PCDHGB1: variants seen among roughly 807,000 people sequenced by gnomAD.
The protein encoded by PCDHGB1 is protocadherin gamma-B1.
A neutral mutation model predicts 56.6 loss-of-function variants in PCDHGB1; 34 were observed. The ratio of observed to expected loss-of-function variants is 0.60; its 90% CI spans 0.46 to 0.80. The LOEUF (loss-of-function observed/expected upper bound fraction) is 0.80, where lower values mean the gene tolerates loss of function less well. PCDHGB1 is among the 30% of genes least tolerant of loss of function. The probability of loss-of-function intolerance (pLI) is 0.00; values close to 1 mark genes in which losing one functional copy is unlikely to be tolerated. For synonymous variants in PCDHGB1, 561 were observed against 505.9 expected, an observed-to-expected ratio of 1.11 and a Z score of -1.46; for missense variants, 1,278 against 1,204.6, an observed-to-expected ratio of 1.06 and a Z score of -0.90.
Position 141,351,441 on chromosome 5 carries a change from C to G in PCDHGB1, c.1181C>G (p.Ser394Trp), listed in dbSNP as rs768328873. ...EEVPFKLEST[S>W]KNYYKLVIAG... ...GTTCCTTTCAAATTAGAATCCACCTCGAAGAATTATTACAAGCTGGTGATT... is the reference window on the plus strand; with the variant it reads ...GTTCCTTTCAAATTAGAATCCACCTGGAAGAATTATTACAAGCTGGTGATT... Residue 394 changes from serine (S) to tryptophan (W), a missense_variant, in exon 1 of 4, where the codon TCG becomes TGG. Ser to Trp is a radical substitution (Grantham distance 177). Transcript: ENST00000523390. 11 of 1,612,464 alleles carry G rather than the reference C, an allele frequency of 6.8e-6. No individual in the cohort carries two copies. The highest frequency in any genetic ancestry group is 8.5e-6 in the Non-Finnish European group (10 of 1,179,110).
intron 1 of PCDHGB1, chr5:141,383,516 G>A (rs757438983): frequency 3.0e-5 from 49 of 1,612,406 alleles, no homozygotes; most frequent in Non-Finnish European, 3.6e-5. Flanking sequence ...GAGGAAGAGC[G>A]GGTTCACCAC....
chr5:141,395,084 C>A (rs757269551), intron 1 of PCDHGB1: 1 of 1,614,190 alleles, frequency 6.2e-7, no homozygotes, highest in South Asian at 1.1e-5. Flanking sequence ...CCCAGGAAGT[C>A]TCCCTCACCG....
At chr5:141,495,814 T>C (rs2099764028) in intron 2 of PCDHGB1, among the ~76,000 whole-genome samples, 1 of 152,134 alleles carries the variant, frequency 6.6e-6, no homozygotes, top group Non-Finnish European at 1.5e-5. Context: ...TCCTAGCGCC[T>C]TGTGTTCTTC....
At chr5:141,454,311 T>G (rs755771201) in intron 1 of PCDHGB1, among the ~76,000 whole-genome samples, 6 of 152,216 alleles carry the variant, frequency 3.9e-5, no homozygotes, top group Admixed American at 2.6e-4. Context: ...TTTCAAAGCA[T>G]TGAAACCTCC....
chr5:141,454,675 G>A (rs973403044), intron 1 of PCDHGB1, among the ~76,000 whole-genome samples: 8 of 151,764 alleles, frequency 5.3e-5, no homozygotes, highest in Non-Finnish European at 1.0e-4. Context: ...CAAAACACTG[G>A]GATTACAGGC....
Position 141,448,073 on chromosome 5 carries a change from C to T in PCDHGB1, c.2410-46734C>T, listed in dbSNP as rs1025112556. ...TGCTCTCCAGCCTGGGCAACATGAA[C>T]GAAATGCCATCTTAAAAAAAAAAAA... On this transcript the variant is annotated intron_variant, in intron 1 of 3. Coordinates refer to ENST00000523390, the MANE Select transcript of PCDHGB1 (RefSeq NM_018922.3). 3.3e-5 allele frequency among the ~76,000 whole-genome samples: 5 copies of T among 151,432 alleles called. No individual in the cohort carries two copies. In the East Asian group the frequency reaches 5.8e-4, roughly 18 times the overall value.
At chr5:141,364,796 T>C in intron 1 of PCDHGB1, 2 of 1,614,046 alleles carry the variant, frequency 1.2e-6, no homozygotes, top group South Asian at 2.2e-5. Context: ...AGTGCTTCCC[T>C]TCGCGCGGGA....
Position 141,351,893 on chromosome 5 carries a change from C to A in PCDHGB1, c.1633C>A (p.Arg545Ser). 3.7e-6 allele frequency: 6 copies of A among 1,613,414 alleles called. No individual in the cohort carries two copies. The highest frequency in any genetic ancestry group is 1.3e-5 in the African/African-American group (1 of 75,066). Residue 545 changes from arginine (R) to serine (S), a missense_variant, in exon 1 of 4, where the codon CGC (arginine) becomes AGC (serine). Arg to Ser is a moderately radical substitution (Grantham distance 110). Coordinates refer to ENST00000523390, the MANE Select transcript of PCDHGB1 (RefSeq NM_018922.3). ...CGCGCTCAGCGCCAACGTGAGCCTG[C>A]GCGTGTTGGTGGGCGACCTCAATGA... ...SPALSANVSL[R>S]VLVGDLNDNA...
In PCDHGB1 at chr5:141,431,739, A is replaced by G; in HGVS notation, c.2410-63068A>G. 3.1e-6 allele frequency: 5 copies of G among 1,614,240 alleles called. No homozygotes were observed. Among genetic ancestry groups the G allele is most frequent in the Non-Finnish European group, 3.4e-6 (4 of 1,180,048 alleles). Reference sequence around the variant, plus strand: ...GTGCAAGCAATGGATAATGCAGGATATTCTGCGCGAGCCAAAGTCCTGATC... The same window carrying G: ...GTGCAAGCAATGGATAATGCAGGATGTTCTGCGCGAGCCAAAGTCCTGATC... On this transcript the variant is annotated intron_variant, in intron 1 of 3. Transcript: ENST00000523390. The surrounding 1 kb of genome is among the most constrained non-coding windows in gnomAD (Gnocchi z 4.8).
chr5:141,419,936 G>T, intron 1 of PCDHGB1: 2 of 1,614,074 alleles, frequency 1.2e-6, no homozygotes, highest in Non-Finnish European at 1.7e-6. Context: ...GTTTTACCTG[G>T]TGGTGGCCTT....
chr5:141,471,631 G>A (rs573080972), intron 1 of PCDHGB1: 7 of 152,188 alleles, frequency 4.6e-5, no homozygotes, highest in African/African-American at 9.6e-5. Flanking sequence ...CATTGGTATG[G>A]ATTAGTAATA....
intron 2 of PCDHGB1, among the ~76,000 whole-genome samples, chr5:141,497,016 C>G (rs1384415729): frequency 6.6e-6 from 1 of 152,056 alleles, no homozygotes; most frequent in East Asian, 1.9e-4. Context: ...TGGTGAAACC[C>G]CATCTCGATT....
intron 1 of PCDHGB1, chr5:141,441,995 G>T: frequency 8.1e-6 from 2 of 246,740 alleles, no homozygotes; most frequent in Non-Finnish European, 8.0e-6. Flanking sequence ...CCGACGAGGT[G>T]CTGACAGCTC....
chr5:141,429,741 C>T (rs2097240604), intron 1 of PCDHGB1, among the ~76,000 whole-genome samples: 1 of 152,106 alleles, frequency 6.6e-6, no homozygotes, highest in Admixed American at 6.5e-5. Flanking sequence ...CCAGTTATTT[C>T]TTAGGGAGAA....
intron 1 of PCDHGB1, among the ~76,000 whole-genome samples, chr5:141,442,680 A>C (rs2098335997): frequency 6.6e-6 from 1 of 152,270 alleles, no homozygotes; most frequent in Non-Finnish European, 1.5e-5. Flanking sequence ...CTTGAGGGAC[A>C]GTAGTCAGGC....
At chr5:141,364,846 C>G (rs558676002) in intron 1 of PCDHGB1, 1 of 1,613,994 alleles carries the variant, frequency 6.2e-7, no homozygotes, top group South Asian at 1.1e-5. Context: ...GTTACCAGCT[C>G]AGCTCCAATC....
intron 1 of PCDHGB1, chr5:141,410,801 A>G (rs2095424401): frequency 3.4e-6 from 2 of 587,942 alleles, no homozygotes; most frequent in Admixed American, 4.2e-5. Context: ...AAGTTGCTCT[A>G]TCTTTTTGTA....
In PCDHGB1 at chr5:141,485,669, T is replaced by G. The variant is rs754363407; in HGVS notation, c.2410-9138T>G. ...TCAGGATGCAGATGTGGGGAGCAATTCGATTAGCAGCTATAGGCTGAGCTC... is the reference window on the plus strand; with the variant it reads ...TCAGGATGCAGATGTGGGGAGCAATGCGATTAGCAGCTATAGGCTGAGCTC... On this transcript the variant is annotated intron_variant, in intron 1 of 3. Transcript: ENST00000523390. The surrounding 1 kb of genome is among the most constrained non-coding windows in gnomAD (Gnocchi z 5.7). 1.9e-6 allele frequency: 3 copies of G among 1,612,788 alleles called. 1 individual carries two copies. Among genetic ancestry groups the G allele is most frequent in the Admixed American group, 1.7e-5 (1 of 59,980 alleles).
intron 1 of PCDHGB1, chr5:141,423,465 G>T: frequency 6.2e-7 from 1 of 1,614,006 alleles, no homozygotes; most frequent in South Asian, 1.1e-5. Context: ...GCGTGGACGG[G>T]GTACAGGCTT....
Sources: allele counts gnomAD v4.1 joint callset (sites outside exome capture counted in the v4.1 genomes callset), GRCh38; gene constraint gnomAD v4.1.1; non-coding constraint Gnocchi (gnomAD v3.1); transcripts MANE v1.5; gene names NCBI Gene and HGNC (gene_info 2026-07-23, HGNC 2026-07-21).